Variants in WDFY4 observed in about 807,000 individuals in gnomAD.
WDFY4 encodes WDFY family member 4, also known as WD repeat- and FYVE domain-containing protein 4.
In WDFY4, 169 loss-of-function variants were observed where a neutral mutation model predicts 351.9. The ratio of observed to expected loss-of-function variants is 0.48; its 90% confidence interval spans 0.42 to 0.55. The LOEUF (loss-of-function observed/expected upper bound fraction) is 0.55, where lower values mean the gene tolerates loss of function less well. Ranked by LOEUF, WDFY4 falls within the 20% of genes least tolerant of loss-of-function variation. The pLI is 0.00. For missense variants in WDFY4, 3,803 were observed against 3,935.6 expected (o/e 0.97, Z 0.90); for synonymous variants, 1,622 against 1,574.6 (o/e 1.03, Z -0.71).
chr10:48,889,029 G>C (rs1202605357), intron 43 of WDFY4, among the ~76,000 whole-genome samples: 2 of 152,234 alleles, frequency 1.3e-5, no homozygotes, highest in Non-Finnish European at 1.5e-5. Flanking sequence ...TGGAGCAGAG[G>C]CTGAATCCGT....
chr10:48,811,462 C>T, intron 29 of WDFY4, 77 bp from the exon 30 acceptor site: 1 of 1,352,486 alleles, frequency 7.4e-7, no homozygotes. Flanking sequence ...GCCGGGTGTT[C>T]CTTTGTGTGT....
At chr10:48,750,223 T>C (rs536169456) in intron 12 of WDFY4, among the ~76,000 whole-genome samples, 2 of 152,330 alleles carry the variant, frequency 1.3e-5, no homozygotes, top group South Asian at 4.1e-4. Flanking sequence ...GACAGTGTAG[T>C]TCCTGAACAG....
intron 60 of WDFY4, among the ~76,000 whole-genome samples, chr10:48,980,463 G>A (rs1488570934): frequency 6.6e-6 from 1 of 152,212 alleles, no homozygotes; most frequent in Non-Finnish European, 1.5e-5. Context: ...GTGGGCAGAT[G>A]TAATCCAATT....
In WDFY4 at chr10:48,954,276, C is replaced by G. The variant is rs1480161899; in HGVS notation, c.7978-2853C>G. On this transcript the variant is annotated intron_variant, in intron 51 of 61. Coordinates refer to ENST00000325239, the MANE Select transcript of WDFY4 (RefSeq NM_001394531.1). The stretch of plus-strand genomic sequence containing the variant: ...CAGAATCCTCTAGGCTTGGCTGGCT[C>G]CATTGTCTTCTGGCCTAAATGTCAC... Among the ~76,000 whole-genome samples, 8 of 152,352 alleles carry G rather than the reference C, an allele frequency of 5.3e-5. No homozygotes were observed. In the East Asian group the frequency reaches 1.3e-3, roughly 26 times the overall value.
intron 59 of WDFY4, 190 bp downstream of exon 59, chr10:48,977,169 T>C (rs1034815421): frequency 4.8e-6 from 2 of 415,790 alleles, no homozygotes; most frequent in Admixed American, 4.4e-5. Flanking sequence ...ATTATATATA[T>C]AGTATTACAC....
Position 48,957,174 on chromosome 10 carries a change from A to G in WDFY4, c.8023A>G (p.Ser2675Gly), listed in dbSNP as rs747231073. 1.4e-5 allele frequency: 21 copies of G among 1,551,544 alleles called. No individual in the cohort carries two copies. The highest frequency in any genetic ancestry group is 1.7e-5 in the Non-Finnish European group (20 of 1,146,974). Residue 2675 changes from serine to glycine, a missense_variant, in exon 52 of 62, where the codon AGC becomes GGC. Transcript: ENST00000325239. Reference protein sequence around the residue: ...VADRMFHSVKSTWESASRENM... With the variant: ...VADRMFHSVKGTWESASRENM... ...AGACAGAATGTTCCACAGTGTGAAG[A>G]GCACGTGGGAGTCGGCCTCCAGAGA... is the stretch of plus-strand genomic sequence containing the variant.
chr10:48,907,120 A>G (rs924493889), intron 47 of WDFY4, among the ~76,000 whole-genome samples: 2 of 152,140 alleles, frequency 1.3e-5, no homozygotes, highest in Admixed American at 6.5e-5. Context: ...TAACATTCGC[A>G]CTTATTTTTG....
intron 57 of WDFY4, among the ~76,000 whole-genome samples, chr10:48,972,288 G>C (rs1842371623): frequency 6.6e-6 from 1 of 152,086 alleles, no homozygotes; most frequent in Admixed American, 6.5e-5. Context: ...GGTTCAAAAA[G>C]TATTTTATTT....
intron 23 of WDFY4, among the ~76,000 whole-genome samples, chr10:48,794,421 G>A (rs972518797): frequency 1.3e-5 from 2 of 152,252 alleles, no homozygotes; most frequent in South Asian, 4.2e-4. Context: ...AAATGTTTGT[G>A]AGACATTGAA....
intron 35 of WDFY4, 60 bp downstream of exon 35, chr10:48,822,597 T>C: frequency 7.2e-7 from 1 of 1,398,398 alleles, no homozygotes; most frequent in East Asian, 2.7e-5. Flanking sequence ...TCCTGGCTAT[T>C]GTCCAGTTGG....
At chr10:48,969,694 T>C (rs1403244056) in intron 56 of WDFY4, among the ~76,000 whole-genome samples, 1 of 152,040 alleles carries the variant, frequency 6.6e-6, no homozygotes, top group Non-Finnish European at 1.5e-5. Context: ...GCCTTCTTGA[T>C]GTGGCCCCTG....
chr10:48,774,701 C>T, intron 14 of WDFY4, 29 bp downstream of exon 14: 1 of 1,550,782 alleles, frequency 6.4e-7, no homozygotes. Context: ...TCAGTGCCGC[C>T]AAGCTGGGCA....
chr10:48,736,240 G>A, intron 11 of WDFY4, 170 bp downstream of exon 11: 1 of 716,744 alleles, frequency 1.4e-6, no homozygotes, highest in Non-Finnish European at 2.4e-6. Context: ...CATATCCTCA[G>A]TAGCCTGGTA....
intron 30 of WDFY4, among the ~76,000 whole-genome samples, chr10:48,813,540 C>T (rs1469831311): frequency 6.6e-6 from 1 of 152,134 alleles, no homozygotes; most frequent in East Asian, 1.9e-4. Flanking sequence ...CTGAGCTCAG[C>T]TATTAAAAAG....
chr10:48,708,533 A>G (rs1171317830), intron 1 of WDFY4, among the ~76,000 whole-genome samples: 2 of 152,182 alleles, frequency 1.3e-5, no homozygotes, highest in African/African-American at 2.4e-5. Flanking sequence ...GATCCTGAAC[A>G]TTTTGGTCCC....
At chr10:48,776,645 G>A (rs2947344) in intron 15 of WDFY4, 105 bp from the exon 16 acceptor site, 841,029 of 1,194,218 alleles carry the variant, frequency 0.7, 304,342 homozygotes, top group Non-Finnish European at 0.74. Context: ...GTGACTGTGC[G>A]AAACTCTCTT....
chr10:48,777,124 C>T, intron 16 of WDFY4, 140 bp downstream of exon 16: 2 of 1,127,458 alleles, frequency 1.8e-6, no homozygotes, highest in Non-Finnish European at 2.5e-6. Flanking sequence ...TCATGGACAC[C>T]CGCCTACTCA....
At chr10:48,876,562 T>G (rs2070018703) in intron 42 of WDFY4, among the ~76,000 whole-genome samples, 1 of 151,960 alleles carries the variant, frequency 6.6e-6, no homozygotes, top group Non-Finnish European at 1.5e-5. Flanking sequence ...GGTGCATGGG[T>G]GAGATTTGTT....
intron 47 of WDFY4, among the ~76,000 whole-genome samples, chr10:48,904,541 G>C (rs552399196): frequency 6.6e-6 from 1 of 152,258 alleles, no homozygotes; most frequent in East Asian, 1.9e-4. Context: ...AAGTCTGCAG[G>C]AAGTGGTGGC....
Sources: allele counts gnomAD v4.1 joint callset (sites outside exome capture counted in the v4.1 genomes callset), GRCh38; gene constraint gnomAD v4.1.1; transcripts MANE v1.5; gene names NCBI Gene and HGNC (gene_info 2026-07-23, HGNC 2026-07-21).